The following ATP11A variants were observed in gnomAD, a reference collection of about 807,000 sequenced individuals.
ATP11A encodes ATPase phospholipid transporting 11A.
Under a neutral mutation model 154.4 loss-of-function variants are expected in ATP11A, and 81 were observed. That is an observed-to-expected ratio of 0.52 (90% CI 0.44 to 0.63). ATP11A has a LOEUF of 0.63. ATP11A is among the 30% of genes least tolerant of loss of function. The pLI, the probability that ATP11A is intolerant of heterozygous loss-of-function variation, is 0.00. For missense variants in ATP11A, 1,316 were observed against 1,474.3 expected (o/e 0.89, Z 1.76); for synonymous variants, 623 against 585.9 (o/e 1.06, Z -0.91).
intron 18 of ATP11A, chr13:112,851,524 T>TTG (rs2079767065): frequency 4.4e-6 from 1 of 227,046 alleles, no homozygotes; most frequent in Admixed American, 5.2e-5. Context: ...ACAAATTCTT[T>TTG]CTTCTTTTTT....
At chr13:112,873,094 T>C (rs1485617537) in intron 26 of ATP11A, among the ~76,000 whole-genome samples, 65 of 80,808 alleles carry the variant, frequency 8.0e-4, no homozygotes, top group South Asian at 2.2e-3. Context: ...CTTTGTCTCC[T>C]TAATGGTGTG....
intron 2 of ATP11A, among the ~76,000 whole-genome samples, chr13:112,802,036 G>A (rs1463907069): frequency 6.6e-6 from 1 of 152,148 alleles, no homozygotes; most frequent in African/African-American, 2.4e-5. Flanking sequence ...AGACAGTGTG[G>A]TGTTGCTGAA....
rs749362610 is a variant in ATP11A at position 112,854,326 on chromosome 13, G to C, written c.2039G>C (p.Gly680Ala). ...ADTIEALQKA[G>A]IKVWVLTGDK... is the part of the protein sequence containing the mutation. ...ACCATCGAGGCCCTGCAGAAGGCCGGGATCAAAGTCTGGGTTCTCACGGGA... is the reference window on the plus strand; with the variant it reads ...ACCATCGAGGCCCTGCAGAAGGCCGCGATCAAAGTCTGGGTTCTCACGGGA... Residue 680 changes from glycine (G) to alanine (A), a missense_variant, in exon 19 of 30, where the codon GGG becomes GCG. This residue lies in a region of ATP11A where 876 missense variants were observed against 1,006.8 expected (regional missense o/e 0.87). Coordinates refer to ENST00000375645, the MANE Select transcript of ATP11A (RefSeq NM_015205.3). 1 of 1,614,144 alleles carries C rather than the reference G, an allele frequency of 6.2e-7. No individual in the cohort carries two copies. The highest frequency in any genetic ancestry group is 8.5e-7 in the Non-Finnish European group (1 of 1,180,042).
Position 112,735,528 on chromosome 13 carries a change from G to A in ATP11A, c.39+45073G>A, listed in dbSNP as rs112202387. Among the ~76,000 whole-genome samples, 412 of 152,300 alleles carry A rather than the reference G, an allele frequency of 2.7e-3. 3 individuals are homozygous for A. Among genetic ancestry groups the A allele is most frequent in the African/African-American group, 9.7e-3 (404 of 41,560 alleles). On this transcript the variant is annotated intron_variant, in intron 1 of 29. Transcript: ENST00000375645. ...CTTAACATTACTTAGTATGAATTCA[G>A]TGAAAAAGTAAGACTTTAGTGAACA...
intron 1 of ATP11A, among the ~76,000 whole-genome samples, chr13:112,778,849 CGCTGG>C (rs2077417580): frequency 3.3e-5 from 2 of 59,792 alleles, no homozygotes; most frequent in African/African-American, 7.2e-5. Context: ...AGTGAGTAGC[CGCTGG>C]AGTGAGGAGT....
intron 15 of ATP11A, among the ~76,000 whole-genome samples, chr13:112,835,744 G>C (rs2079215991): frequency 6.6e-6 from 1 of 152,254 alleles, no homozygotes; most frequent in South Asian, 2.1e-4. Flanking sequence ...CCGGTAACAG[G>C]ACAGCACCAG....
At chr13:112,702,064 A>G (rs912349189) in intron 1 of ATP11A, among the ~76,000 whole-genome samples, 2 of 151,066 alleles carry the variant, frequency 1.3e-5, no homozygotes, top group Non-Finnish European at 3.0e-5. Flanking sequence ...TCTTAAGTAC[A>G]GCCTGGTGCG....
At chr13:112,793,477 A>G (rs577872547) in intron 2 of ATP11A, among the ~76,000 whole-genome samples, 8 of 152,338 alleles carry the variant, frequency 5.3e-5, no homozygotes, top group Admixed American at 3.3e-4. Flanking sequence ...TGCTGGGTTT[A>G]CAGACGTGAG....
chr13:112,817,379 A>G (rs940594220), intron 6 of ATP11A, among the ~76,000 whole-genome samples: 1 of 152,234 alleles, frequency 6.6e-6, no homozygotes, highest in African/African-American at 2.4e-5. Context: ...AAACCTATGG[A>G]TCTTTTTCAG....
intron 17 of ATP11A, among the ~76,000 whole-genome samples, chr13:112,843,549 G>A (rs989957076): frequency 3.3e-5 from 5 of 152,196 alleles, no homozygotes; most frequent in East Asian, 1.9e-4. Flanking sequence ...GAGTGGCTAC[G>A]CACTGGAAAA....
chr13:112,854,505 A>G lies in ATP11A; in HGVS notation c.2218A>G (p.Ser740Gly), dbSNP rs2079865876. ...CAAGACGGTCCTGCGCCACAGCGGG[A>G]GCCTGACCAGAGACAACCTGTCCGG... ...LSKTVLRHSG[S>G]LTRDNLSGLS... is the part of the protein sequence containing the mutation. The change falls in exon 19 of 30, where the codon AGC (serine) becomes GGC (glycine). Residue 740 changes from serine to glycine, a missense_variant. Around this residue, in one of 5 missense-constraint regions of ATP11A, gnomAD observed 876 missense variants for 1,006.8 expected, o/e 0.87. Transcript: ENST00000375645. The G allele has an allele frequency of 2.5e-6, 4 of 1,610,996 alleles. No individual in the cohort carries two copies. Among genetic ancestry groups the G allele is most frequent in the Non-Finnish European group, 3.4e-6 (4 of 1,179,942 alleles).
At chr13:112,771,197 G>A (rs1318911541) in intron 1 of ATP11A, among the ~76,000 whole-genome samples, 1 of 152,214 alleles carries the variant, frequency 6.6e-6, no homozygotes, top group Non-Finnish European at 1.5e-5. Flanking sequence ...AGAGTTCATG[G>A]TAAGGATGGT....
intron 21 of ATP11A, 67 bp from the exon 22 acceptor site, chr13:112,858,078 C>T (rs1594195057): frequency 6.3e-7 from 1 of 1,588,692 alleles, no homozygotes; most frequent in Non-Finnish European, 8.6e-7. Context: ...CCGTTCTTCT[C>T]CCCGTCCCTG....
In ATP11A at chr13:112,826,781, C is replaced by G. The variant is rs1279061428; in HGVS notation, c.1111C>G (p.Gln371Glu). 1 of 1,614,174 alleles carries G rather than the reference C, an allele frequency of 6.2e-7. No homozygotes were observed. The highest frequency in any genetic ancestry group is 2.2e-5 in the East Asian group (1 of 44,868). ...PVSMYVTVEM[Q>E]KFLGSYFITW... The stretch of plus-strand genomic sequence containing the variant: ...GTCCATGTACGTCACGGTCGAGATG[C>G]AGAAGTTCCTCGGCTCTTACTTCAT... The change falls in exon 12 of 30, where the codon CAG (glutamine) becomes GAG (glutamate). Residue 371 changes from glutamine (Q) to glutamate (E), a missense_variant. Physicochemically the swap from Gln to Glu is conservative, Grantham distance 29. Transcript: ENST00000375645.
chr13:112,731,206 T>A (rs1165530499), intron 1 of ATP11A, among the ~76,000 whole-genome samples: 2 of 152,102 alleles, frequency 1.3e-5, no homozygotes, highest in African/African-American at 4.8e-5. Flanking sequence ...AATGCTCCAG[T>A]GATCCGCCTG....
At chr13:112,781,982 TCAGGCAAGGCCGCGCACTTGC>T (rs1158105085) in intron 1 of ATP11A, among the ~76,000 whole-genome samples, 7 of 152,306 alleles carry the variant, frequency 4.6e-5, no homozygotes, top group East Asian at 3.9e-4. Flanking sequence ...GACGAGGCCA[TCAGGCAAGGCCGCGCACTTGC>T]CAGGCAAGGC....
chr13:112,777,792 G>A (rs1264123851), intron 1 of ATP11A, among the ~76,000 whole-genome samples: 1 of 152,238 alleles, frequency 6.6e-6, no homozygotes, highest in Non-Finnish European at 1.5e-5. Flanking sequence ...ATCAGGAGAA[G>A]GGATGTGAGA....
chr13:112,718,159 C>G (rs1334160198), intron 1 of ATP11A, among the ~76,000 whole-genome samples: 3 of 152,194 alleles, frequency 2.0e-5, no homozygotes, highest in Non-Finnish European at 2.9e-5. Context: ...TGTCTCTCCC[C>G]CTTTGCTGTG....
chr13:112,784,113 C>T (rs933603209), intron 1 of ATP11A, among the ~76,000 whole-genome samples: 2 of 152,216 alleles, frequency 1.3e-5, no homozygotes, highest in Admixed American at 6.5e-5. Context: ...GCTACAGCTC[C>T]CTGACTGCCC....
Sources: allele counts gnomAD v4.1 joint callset (sites outside exome capture counted in the v4.1 genomes callset), GRCh38; gene constraint gnomAD v4.1.1; regional missense constraint gnomAD v4.1.1; transcripts MANE v1.5; gene names NCBI Gene and HGNC (gene_info 2026-07-23, HGNC 2026-07-21).